DPP6: variants seen among roughly 807,000 people sequenced by gnomAD.
DPP6 encodes the protein dipeptidyl peptidase like 6.
Under a neutral mutation model 122.6 loss-of-function variants are expected in DPP6, and 69 were observed. The observed-to-expected ratio is 0.56, with a 90% CI of 0.46 to 0.69. The LOEUF (loss-of-function observed/expected upper bound fraction) is 0.69. Among genes scored for constraint, DPP6 ranks in the 30% least tolerant of loss-of-function variants. The pLI is 0.00. For synonymous variants in DPP6, 418 were observed against 433.1 expected (o/e 0.97, Z 0.43); for missense variants, 928 against 1,116.9 (o/e 0.83, Z 2.41).
chr7:154,542,857 A>G (rs1274888890), intron 4 of DPP6, among the ~76,000 whole-genome samples: 1 of 152,254 alleles, frequency 6.6e-6, no homozygotes, highest in Non-Finnish European at 1.5e-5. Flanking sequence ...TAATTTCCGC[A>G]GAGCCACTTA....
chr7:154,154,323 G>T (rs1158725102), intron 1 of DPP6, among the ~76,000 whole-genome samples: 4 of 152,242 alleles, frequency 2.6e-5, no homozygotes, highest in Non-Finnish European at 5.9e-5. Context: ...GCATGTTACT[G>T]ATGGGTGCTA....
intron 3 of DPP6, among the ~76,000 whole-genome samples, chr7:154,491,364 C>T (rs909409317): frequency 6.6e-6 from 1 of 152,154 alleles, no homozygotes. Flanking sequence ...TCATTAAGCT[C>T]GGAAAATCCT....
chr7:154,083,105 T>C (rs1196504005), intron 1 of DPP6, among the ~76,000 whole-genome samples: 1 of 152,062 alleles, frequency 6.6e-6, no homozygotes, highest in Non-Finnish European at 1.5e-5. Context: ...CACCTCGACC[T>C]CCCAAAGTGC....
chr7:154,671,388 C>A (rs1586857488), intron 7 of DPP6, among the ~76,000 whole-genome samples: 1 of 152,262 alleles, frequency 6.6e-6, no homozygotes, highest in African/African-American at 2.4e-5. Context: ...CATTGTCCAG[C>A]CTTTTTATAG....
the DPP6 span, among the ~76,000 whole-genome samples, chr7:153,779,860 T>C: frequency 1.3e-5 from 2 of 150,696 alleles, no homozygotes; most frequent in East Asian, 3.9e-4. Flanking sequence ...GCAACATTAA[T>C]TTCTTGGCTT....
intron 1 of DPP6, among the ~76,000 whole-genome samples, chr7:154,270,487 G>C (rs1803712890): frequency 6.6e-6 from 1 of 151,862 alleles, no homozygotes; most frequent in Non-Finnish European, 1.5e-5. Flanking sequence ...AGAAACCATG[G>C]GCTCCAGCTC....
intron 1 of DPP6, among the ~76,000 whole-genome samples, chr7:154,391,217 G>A (rs539332990): frequency 5.3e-5 from 8 of 152,296 alleles, no homozygotes; most frequent in Admixed American, 5.2e-4. Flanking sequence ...AAGAGCAGCC[G>A]CCGCATCTTA....
rs537000450 is a variant in DPP6 at position 154,083,092 on chromosome 7, G to A, written c.243+30029G>A. Among the ~76,000 whole-genome samples the A allele has an allele frequency of 2.3e-3, 347 of 151,950 alleles. 3 individuals carry two copies. The highest frequency in any genetic ancestry group is 7.5e-3 in the African/African-American group (309 of 41,462). Reference sequence around the variant, plus strand: ...TCTCGATCTCCTGACCTCGTGATCCGCCCACCTCGACCTCCCAAAGTGCTG... The same window carrying A: ...TCTCGATCTCCTGACCTCGTGATCCACCCACCTCGACCTCCCAAAGTGCTG... On this transcript the variant is annotated intron_variant, in intron 1 of 25. Transcript: ENST00000377770.
At chr7:153,806,430 C>A in the DPP6 span, among the ~76,000 whole-genome samples, 1 of 151,654 alleles carries the variant, frequency 6.6e-6, no homozygotes, top group Non-Finnish European at 1.5e-5. Context: ...GGTGCCTTCT[C>A]TGGGTCAGTC....
intron 5 of DPP6, among the ~76,000 whole-genome samples, chr7:154,590,875 T>C (rs1272367556): frequency 6.6e-6 from 1 of 151,786 alleles, no homozygotes; most frequent in African/African-American, 2.4e-5. Context: ...ATTCTGCGAG[T>C]AAGTGATCCA....
chr7:154,312,756 G>A (rs184653136), intron 1 of DPP6, among the ~76,000 whole-genome samples: 123 of 152,270 alleles, frequency 8.1e-4, no homozygotes, highest in Middle Eastern at 6.8e-3. Context: ...ATTTCTCTTG[G>A]AGACAATGGT....
intron 1 of DPP6, among the ~76,000 whole-genome samples, chr7:154,234,253 G>T (rs1801074424): frequency 6.6e-6 from 1 of 152,158 alleles, no homozygotes; most frequent in African/African-American, 2.4e-5. Flanking sequence ...TTTGCCCACT[G>T]GTTGTATAAG....
At chr7:154,024,446 T>TC (rs1798875036) in intron 1 of DPP6, among the ~76,000 whole-genome samples, 1 of 152,106 alleles carries the variant, frequency 6.6e-6, no homozygotes, top group Non-Finnish European at 1.5e-5. Context: ...GTTTTTTTTT[T>TC]CCTGTTATGT....
At chr7:153,793,446 G>A in the DPP6 span, among the ~76,000 whole-genome samples, 1 of 137,026 alleles carries the variant, frequency 7.3e-6, no homozygotes. Context: ...TAGGGTATCT[G>A]GCAGAAGAAA....
At chr7:153,857,291 T>A in the DPP6 span, among the ~76,000 whole-genome samples, 1 of 151,234 alleles carries the variant, frequency 6.6e-6, no homozygotes, top group Non-Finnish European at 1.5e-5. Flanking sequence ...AATCTATACT[T>A]ATTAATATGT....
chr7:154,309,008 C>T (rs928024643), intron 1 of DPP6, among the ~76,000 whole-genome samples: 11 of 152,204 alleles, frequency 7.2e-5, no homozygotes, highest in African/African-American at 2.7e-4. Context: ...AGGCACACCT[C>T]GTGTGTCACA....
At chr7:153,836,192 A>T in the DPP6 span, among the ~76,000 whole-genome samples, 2 of 152,220 alleles carry the variant, frequency 1.3e-5, no homozygotes, top group African/African-American at 4.8e-5. Context: ...GACGTTTGCC[A>T]CGCTGGAGGC....
chr7:153,840,311 T>C, the DPP6 span, among the ~76,000 whole-genome samples: 3 of 152,172 alleles, frequency 2.0e-5, no homozygotes, highest in Non-Finnish European at 4.4e-5. Context: ...AGAAAGGATT[T>C]TTTATATAAT....
the DPP6 span, among the ~76,000 whole-genome samples, chr7:153,835,473 C>A: frequency 1.3e-5 from 2 of 151,948 alleles, no homozygotes; most frequent in Non-Finnish European, 2.9e-5. Context: ...CTTGGTTAAT[C>A]CGCTTTAGTA....
Sources: gnomAD v4.1 joint callset for allele counts (sites outside exome capture counted in the v4.1 genomes callset) on GRCh38, gnomAD v4.1.1 for gene constraint, MANE v1.5 for transcripts, NCBI Gene and HGNC (gene_info 2026-07-23, HGNC 2026-07-21) for gene names.